Variants in NRXN3 observed in about 807,000 individuals in gnomAD.
The protein encoded by NRXN3 is neurexin 3.
NRXN3 carries 32 observed loss-of-function variants against 137.6 expected under a neutral mutation model. That is an observed-to-expected ratio of 0.23 (90% CI 0.18 to 0.31). The LOEUF is 0.31. Among genes scored for constraint, NRXN3 ranks in the 10% least tolerant of loss-of-function variants. The probability of loss-of-function intolerance (pLI) is 1.00; values close to 1 mark genes in which losing one functional copy is unlikely to be tolerated. For missense variants in NRXN3, 1,574 were observed against 2,062.5 expected, an observed-to-expected ratio of 0.76 and a Z score of 4.59; for synonymous variants, 798 against 784.5, an observed-to-expected ratio of 1.02 and a Z score of -0.29.
intron 4 of NRXN3, among the ~76,000 whole-genome samples, chr14:78,507,979 T>C (rs376450798): frequency 1.6e-4 from 25 of 152,296 alleles, no homozygotes; most frequent in African/African-American, 2.9e-4. Context: ...GTATCTATAA[T>C]TGGGTGTTTA....
At chr14:78,234,024 C>T (rs2065839156) in intron 1 of NRXN3, among the ~76,000 whole-genome samples, 1 of 152,202 alleles carries the variant, frequency 6.6e-6, no homozygotes. Context: ...CCAAGCTGTT[C>T]TCCTGATAGT....
intron 10 of NRXN3, among the ~76,000 whole-genome samples, chr14:78,873,547 GA>G (rs2099106412): frequency 1.3e-5 from 2 of 152,166 alleles, no homozygotes; most frequent in South Asian, 4.1e-4. Context: ...CCTATCATGG[GA>G]ATGGCAAGAA....
intron 4 of NRXN3, among the ~76,000 whole-genome samples, chr14:78,519,724 G>A (rs1372535077): frequency 7.7e-6 from 1 of 130,036 alleles, no homozygotes; most frequent in East Asian, 2.4e-4. Flanking sequence ...TCACAGAGAA[G>A]GTTATATTTG....
intron 18 of NRXN3, among the ~76,000 whole-genome samples, 186 bp from the exon 19 acceptor site, chr14:79,697,444 C>G (rs896588021): frequency 1.3e-5 from 2 of 151,908 alleles, no homozygotes; most frequent in African/African-American, 4.8e-5. Context: ...TTCAGCTAGA[C>G]AGTGGAAGAG....
At chr14:79,843,491 C>T (rs11846744) in intron 20 of NRXN3, among the ~76,000 whole-genome samples, 19,817 of 152,098 alleles carry the variant, frequency 0.13, 1,390 homozygotes, top group Middle Eastern at 0.2. Flanking sequence ...ATGATGTTTG[C>T]TGCACTGACT....
intron 20 of NRXN3, among the ~76,000 whole-genome samples, chr14:79,831,809 A>G (rs972805793): frequency 2.0e-5 from 3 of 152,182 alleles, no homozygotes; most frequent in African/African-American, 4.8e-5. Flanking sequence ...TCAGTTTTGC[A>G]GTTCAGAACT....
At chr14:79,594,228 T>C (rs2097840427) in intron 16 of NRXN3, among the ~76,000 whole-genome samples, 2 of 152,188 alleles carry the variant, frequency 1.3e-5, no homozygotes, top group Non-Finnish European at 2.9e-5. Flanking sequence ...TTATAGGACA[T>C]AAATGCATTG....
intron 10 of NRXN3, among the ~76,000 whole-genome samples, chr14:78,937,811 C>T (rs1046013776): frequency 3.9e-5 from 6 of 152,224 alleles, no homozygotes; most frequent in African/African-American, 1.4e-4. Context: ...GACAATGTTC[C>T]TTTGAGAGGA....
intron 10 of NRXN3, among the ~76,000 whole-genome samples, chr14:78,843,349 C>T (rs536014978): frequency 9.9e-5 from 15 of 152,128 alleles, no homozygotes; most frequent in Admixed American, 8.5e-4. Flanking sequence ...TGGTAAGACA[C>T]GTATTCTTTT....
intron 19 of NRXN3, among the ~76,000 whole-genome samples, chr14:79,749,774 C>A (rs2098991415): frequency 9.1e-6 from 1 of 109,366 alleles, no homozygotes; most frequent in South Asian, 2.8e-4. Context: ...CTTAATGCAC[C>A]AAACATTTTT....
intron 15 of NRXN3, among the ~76,000 whole-genome samples, chr14:79,121,018 CACTCT>C (rs1392533162): frequency 6.6e-6 from 1 of 152,078 alleles, no homozygotes; most frequent in African/African-American, 2.4e-5. Flanking sequence ...TATTCATGAC[CACTCT>C]ACTCTGAGCA....
chr14:78,514,644 G>C (rs939471897), intron 4 of NRXN3, among the ~76,000 whole-genome samples: 1 of 152,098 alleles, frequency 6.6e-6, no homozygotes, highest in Non-Finnish European at 1.5e-5. Flanking sequence ...GACAGGAAAG[G>C]TTCTTTCCCT....
In NRXN3 at chr14:79,009,063, TC is replaced by T. The variant is rs374668947; in HGVS notation, c.3262+20925del. Among the ~76,000 whole-genome samples, 21 of 152,296 alleles carry T rather than the reference TC, an allele frequency of 1.4e-4. 1 individual carries two copies. The highest frequency in any genetic ancestry group is 2.4e-4 in the African/African-American group (10 of 41,574). On this transcript the variant is annotated intron_variant, in intron 15 of 20. Transcript: ENST00000335750. Reference sequence around the variant, plus strand: ...GAGATAGTCCTGCCCTGTTCAGGTCTCCCGTGTTTCCTCATTAGACCTTCCA... The same window carrying T: ...GAGATAGTCCTGCCCTGTTCAGGTCTCCGTGTTTCCTCATTAGACCTTCCA...
At chr14:78,553,041 T>C (rs2096707354) in intron 4 of NRXN3, among the ~76,000 whole-genome samples, 1 of 152,226 alleles carries the variant, frequency 6.6e-6, no homozygotes, top group African/African-American at 2.4e-5. Flanking sequence ...GAATTCACTT[T>C]CCCAGGACTA....
intron 15 of NRXN3, among the ~76,000 whole-genome samples, chr14:78,999,101 G>A (rs2099536280): frequency 6.6e-6 from 1 of 152,112 alleles, no homozygotes; most frequent in Non-Finnish European, 1.5e-5. Flanking sequence ...CAAAGAATTT[G>A]GAGACTTCAG....
At chr14:79,818,123 G>A (rs1332770319) in intron 20 of NRXN3, among the ~76,000 whole-genome samples, 5 of 138,646 alleles carry the variant, frequency 3.6e-5, no homozygotes, top group Admixed American at 1.6e-4. Flanking sequence ...GCGCGATCTC[G>A]GCTCACTGCA....
rs74342266 is a variant in NRXN3 at position 79,619,242 on chromosome 14, A to G, written c.3445-44536A>G. ...ACTTAGCAATTTTTGTTTTTGTGGT[A>G]ATTGCTTTTGGAGATTTAGTTGTGC... On this transcript the variant is annotated intron_variant, in intron 16 of 20. Transcript: ENST00000335750. Among the ~76,000 whole-genome samples the G allele has an allele frequency of 3.0e-3, 452 of 152,170 alleles. 3 individuals carry two copies. Among genetic ancestry groups the G allele is most frequent in the African/African-American group, 0.01 (431 of 41,558 alleles).
At chr14:78,798,338 C>T (rs1163844491) in intron 8 of NRXN3, among the ~76,000 whole-genome samples, 1 of 152,296 alleles carries the variant, frequency 6.6e-6, no homozygotes, top group South Asian at 2.1e-4. Flanking sequence ...GTAAGTCGGT[C>T]ATTAAACCTT....
At chr14:78,834,354 T>A (rs1360921638) in intron 10 of NRXN3, among the ~76,000 whole-genome samples, 1 of 152,166 alleles carries the variant, frequency 6.6e-6, no homozygotes, top group African/African-American at 2.4e-5. Flanking sequence ...GGCACCTGGG[T>A]CCCTCTGCCT....
Sources: allele counts gnomAD v4.1 joint callset (sites outside exome capture counted in the v4.1 genomes callset), GRCh38; gene constraint gnomAD v4.1.1; transcripts MANE v1.5; gene names NCBI Gene and HGNC (gene_info 2026-07-23, HGNC 2026-07-21).